Variants in WDFY4 observed in about 807,000 individuals in gnomAD.
WDFY4 encodes WD repeat- and FYVE domain-containing protein 4.
Under a neutral mutation model 351.9 loss-of-function variants are expected in WDFY4, and 169 were observed. The observed-to-expected ratio is 0.48, with a 90% CI of 0.42 to 0.55. The LOEUF (loss-of-function observed/expected upper bound fraction) is 0.55, where lower values mean the gene tolerates loss of function less well. Among genes scored for constraint, WDFY4 ranks in the 20% least tolerant of loss-of-function variants. The probability of loss-of-function intolerance (pLI) is 0.00; values close to 1 mark genes in which losing one functional copy is unlikely to be tolerated. For missense variants in WDFY4, 3,803 were observed against 3,935.6 expected (o/e 0.97, Z 0.90); for synonymous variants, 1,622 against 1,574.6 (o/e 1.03, Z -0.71).
At chr10:48,875,773 T>C (rs1363897933) in intron 42 of WDFY4, among the ~76,000 whole-genome samples, 1 of 152,230 alleles carries the variant, frequency 6.6e-6, no homozygotes, top group African/African-American at 2.4e-5. Context: ...TGGATTTGTA[T>C]TGAGCTTGCT....
chr10:48,753,468 C>T (rs1483801362), intron 12 of WDFY4, among the ~76,000 whole-genome samples: 1 of 152,170 alleles, frequency 6.6e-6, no homozygotes, highest in Non-Finnish European at 1.5e-5. Flanking sequence ...AGATTTACCA[C>T]TGTGTTTTCT....
chr10:48,966,468 G>C (rs1415299154), intron 54 of WDFY4, 58 bp from the exon 55 acceptor site: 1 of 1,514,514 alleles, frequency 6.6e-7, no homozygotes, highest in East Asian at 2.5e-5. Flanking sequence ...TGTGCACAGG[G>C]ACGACCCCTC....
intron 1 of WDFY4, among the ~76,000 whole-genome samples, chr10:48,687,586 G>A (rs1193078152): frequency 1.3e-5 from 2 of 149,486 alleles, no homozygotes; most frequent in Non-Finnish European, 3.0e-5. Flanking sequence ...CAAGAGTCTT[G>A]GCACCATTTA....
At chr10:48,970,753 C>T (rs530230523) in intron 57 of WDFY4, among the ~76,000 whole-genome samples, 11 of 152,286 alleles carry the variant, frequency 7.2e-5, no homozygotes, top group African/African-American at 2.4e-4. Flanking sequence ...ATGATCACCC[C>T]TACTTTATTG....
intron 44 of WDFY4, among the ~76,000 whole-genome samples, chr10:48,896,594 T>G (rs1476668285): frequency 1.3e-5 from 2 of 152,008 alleles, no homozygotes; most frequent in East Asian, 3.9e-4. Context: ...GCAGGCGCTG[T>G]GCAGATGAGC....
Position 48,867,295 on chromosome 10 carries a change from A to G in WDFY4, c.6694A>G (p.Arg2232Gly), listed in dbSNP as rs777071180. 9 of 1,496,218 alleles carry G rather than the reference A, an allele frequency of 6.0e-6. No homozygotes were observed. In the South Asian group the frequency reaches 6.8e-5, roughly 11 times the overall value. The allele number at this position is 1,496,218 out of a possible 1,614,324, so 92.7% of individuals were successfully genotyped here. ...DFVSCIENYR[R>G]RGQELYASLY... The stretch of plus-strand genomic sequence containing the variant: ...TGTGTCATGTATAGAGAACTACAGA[A>G]GAAGAGGACAAGAGCTATATGCATC... Residue 2232 changes from arginine to glycine, a missense_variant, in exon 40 of 62, where the codon AGA becomes GGA. Arg to Gly is a moderately radical substitution (Grantham distance 125). This residue lies in a region of WDFY4 where 3,054 missense variants were observed against 3,148.6 expected (regional missense o/e 0.97). Transcript: ENST00000325239.
intron 39 of WDFY4, among the ~76,000 whole-genome samples, chr10:48,856,472 T>A (rs920741463): frequency 1.3e-5 from 2 of 152,164 alleles, no homozygotes; most frequent in Admixed American, 1.3e-4. Flanking sequence ...TCTGATTCTT[T>A]TTTTCTTCTT....
intron 43 of WDFY4, among the ~76,000 whole-genome samples, chr10:48,887,794 AT>A (rs999189124): frequency 1.8e-4 from 24 of 136,062 alleles, no homozygotes; most frequent in Admixed American, 3.7e-4. Context: ...AAAAAAAAAA[AT>A]TTATGCTTCA....
intron 39 of WDFY4, among the ~76,000 whole-genome samples, chr10:48,843,707 G>A (rs1454685660): frequency 6.6e-6 from 1 of 152,154 alleles, no homozygotes; most frequent in Non-Finnish European, 1.5e-5. Flanking sequence ...TTACATGCAA[G>A]CATCTATTTT....
At chr10:48,884,347 T>A (rs912147106) in intron 43 of WDFY4, 2 of 152,200 alleles carry the variant, frequency 1.3e-5, no homozygotes, top group African/African-American at 2.4e-5. Flanking sequence ...CTTTCTGAAA[T>A]GAAAACAACA....
chr10:48,870,037 G>A (rs1173973125), intron 40 of WDFY4, among the ~76,000 whole-genome samples: 5 of 152,206 alleles, frequency 3.3e-5, no homozygotes, highest in Admixed American at 2.0e-4. Context: ...GTGGGCTCCT[G>A]AGGGTGCCAT....
chr10:48,700,873 A>G (rs540810426), intron 1 of WDFY4, among the ~76,000 whole-genome samples: 52 of 152,340 alleles, frequency 3.4e-4, no homozygotes, highest in African/African-American at 1.2e-3. Flanking sequence ...TTATCTATTT[A>G]TTGATTTTAT....
chr10:48,814,686 A>G (rs995390564), intron 31 of WDFY4, among the ~76,000 whole-genome samples: 7 of 152,236 alleles, frequency 4.6e-5, no homozygotes, highest in Non-Finnish European at 5.9e-5. Context: ...ACCAAAGGCA[A>G]TTGGAGGCCT....
intron 24 of WDFY4, among the ~76,000 whole-genome samples, chr10:48,798,380 C>T (rs2620899): frequency 0.22 from 33,089 of 151,226 alleles, 3,954 homozygotes; most frequent in East Asian, 0.36. Context: ...AACAGACAAA[C>T]GTCTGTTAAG....
intron 11 of WDFY4, chr10:48,736,321 C>T (rs2099122964): frequency 1.6e-6 from 1 of 607,156 alleles, no homozygotes; most frequent in South Asian, 2.0e-5. Flanking sequence ...CTACCATCAC[C>T]TGGGCATCTA....
intron 47 of WDFY4, among the ~76,000 whole-genome samples, chr10:48,904,774 G>A (rs1444390361): frequency 6.6e-6 from 1 of 152,218 alleles, no homozygotes; most frequent in Non-Finnish European, 1.5e-5. Flanking sequence ...AACCAATCAA[G>A]TGTTTTCATT....
intron 55 of WDFY4, chr10:48,968,114 G>A (rs1009560817): frequency 6.6e-6 from 1 of 152,300 alleles, no homozygotes; most frequent in African/African-American, 2.4e-5. Context: ...ACCAGCCACG[G>A]GTCCTGGGGA....
At chr10:48,818,616 A>G (rs1475734071) in intron 32 of WDFY4, among the ~76,000 whole-genome samples, 8 of 152,220 alleles carry the variant, frequency 5.3e-5, no homozygotes, top group African/African-American at 1.9e-4. Context: ...GCCAAAGTTT[A>G]AATCTCACTC....
At chr10:48,873,718 G>A (rs1362426192) in intron 41 of WDFY4, 21 bp downstream of exon 41, 2 of 1,550,818 alleles carry the variant, frequency 1.3e-6, no homozygotes, top group Non-Finnish European at 8.7e-7. Context: ...GGCGCAGTGG[G>A]ACAGTGCTGG....
Sources: gnomAD v4.1 joint callset for allele counts (sites outside exome capture counted in the v4.1 genomes callset) on GRCh38, gnomAD v4.1.1 for gene constraint, gnomAD v4.1.1 regional missense constraint, MANE v1.5 for transcripts, NCBI Gene and HGNC (gene_info 2026-07-23, HGNC 2026-07-21) for gene names.